The following CTNNA2 variants were observed in gnomAD, a reference collection of about 807,000 sequenced individuals.
The protein encoded by CTNNA2 is catenin alpha-2.
In CTNNA2, 42 loss-of-function variants were observed where a neutral mutation model predicts 101.0. That is an observed-to-expected ratio of 0.42 (90% confidence interval 0.32 to 0.54). The LOEUF (loss-of-function observed/expected upper bound fraction) is 0.54. CTNNA2 is among the 20% of genes least tolerant of loss of function. CTNNA2 has a pLI of 0.14. For synonymous variants in CTNNA2, 450 were observed against 456.4 expected, an observed-to-expected ratio of 0.99 and a Z score of 0.18; for missense variants, 871 against 1,223.1, an observed-to-expected ratio of 0.71 and a Z score of 4.29.
intron 7 of CTNNA2, among the ~76,000 whole-genome samples, chr2:80,082,751 CTTTA>C (rs2148806730): frequency 6.6e-6 from 1 of 152,162 alleles, no homozygotes; most frequent in East Asian, 1.9e-4. Flanking sequence ...AAGTTGTTTT[CTTTA>C]CTTCTTTATA....
chr2:79,290,329 T>C (rs1305465307), intron 2 of CTNNA2, among the ~76,000 whole-genome samples: 1 of 151,558 alleles, frequency 6.6e-6, no homozygotes, highest in East Asian at 1.9e-4. Flanking sequence ...TGCCCTGGAG[T>C]GTGGTCCTTT....
chr2:80,304,066 T>C, intron 7 of CTNNA2: 1 of 421,516 alleles, frequency 2.4e-6, no homozygotes, highest in Non-Finnish European at 4.2e-6. Context: ...GATGGTGATT[T>C]GGTCCATGTT....
At chr2:79,667,092 CAA>C (rs1682471547) in intron 2 of CTNNA2, among the ~76,000 whole-genome samples, 1 of 152,132 alleles carries the variant, frequency 6.6e-6, no homozygotes, top group Non-Finnish European at 1.5e-5. Flanking sequence ...CTGGGTTCTT[CAA>C]AGTCATCGCT....
intron 8 of CTNNA2, among the ~76,000 whole-genome samples, chr2:80,414,190 C>T (rs1478517099): frequency 2.0e-5 from 3 of 152,072 alleles, no homozygotes; most frequent in Non-Finnish European, 2.9e-5. Flanking sequence ...CTACTTGGAG[C>T]ACTGTGTTGA....
At chr2:79,792,945 G>T (rs948614161) in intron 3 of CTNNA2, among the ~76,000 whole-genome samples, 3 of 152,210 alleles carry the variant, frequency 2.0e-5, no homozygotes, top group Middle Eastern at 3.4e-3. Context: ...CAAATTCATT[G>T]GTTCTTGTAC....
intron 7 of CTNNA2, among the ~76,000 whole-genome samples, chr2:79,945,169 A>G (rs1219772377): frequency 2.0e-5 from 3 of 151,972 alleles, no homozygotes; most frequent in Admixed American, 2.0e-4. Context: ...CAGTCTCCCA[A>G]GTAGCTGGGA....
At chr2:80,305,180 G>T in intron 7 of CTNNA2, 1 of 985,290 alleles carries the variant, frequency 1.0e-6, no homozygotes, top group African/African-American at 1.7e-5. Context: ...AAGATTTTTG[G>T]GGTTTTTTCC....
At chr2:80,043,111 CTT>C (rs1361410276) in intron 7 of CTNNA2, among the ~76,000 whole-genome samples, 751 of 62,610 alleles carry the variant, frequency 0.012, 9 homozygotes, top group Non-Finnish European at 0.022. Flanking sequence ...CTCTCTCTCT[CTT>C]TCTTTCTCCT....
chr2:79,355,826 T>G (rs917250697), intron 3 of CTNNA2, among the ~76,000 whole-genome samples: 1 of 152,134 alleles, frequency 6.6e-6, no homozygotes, highest in East Asian at 1.9e-4. Flanking sequence ...CATACCACAT[T>G]TATTAATTTA....
intron 2 of CTNNA2, among the ~76,000 whole-genome samples, chr2:79,679,362 C>A (rs533632698): frequency 6.6e-6 from 1 of 152,216 alleles, no homozygotes; most frequent in Non-Finnish European, 1.5e-5. Context: ...CATTGGTGGG[C>A]GGGTTGGCAT....
chr2:79,239,798 T>C (rs1423613640), intron 2 of CTNNA2, among the ~76,000 whole-genome samples: 1 of 152,116 alleles, frequency 6.6e-6, no homozygotes, highest in African/African-American at 2.4e-5. Context: ...AATCTATCCA[T>C]CTGACAAAGG....
At chr2:79,701,823 G>A (rs556792109) in intron 2 of CTNNA2, among the ~76,000 whole-genome samples, 5 of 152,068 alleles carry the variant, frequency 3.3e-5, no homozygotes, top group Admixed American at 6.5e-5. Context: ...TCAACATGGT[G>A]AAACCCTGTC....
At chr2:79,423,365 AAC>A (rs929829978) in intron 4 of CTNNA2, among the ~76,000 whole-genome samples, 14 of 152,152 alleles carry the variant, frequency 9.2e-5, no homozygotes, top group African/African-American at 3.1e-4. Flanking sequence ...GACCTCTGTA[AAC>A]ACCACATCAA....
chr2:79,309,154 C>G (rs1676310633), intron 2 of CTNNA2, among the ~76,000 whole-genome samples: 3 of 152,070 alleles, frequency 2.0e-5, no homozygotes, highest in Admixed American at 2.0e-4. Flanking sequence ...TAACATATCA[C>G]AACTTTTTTT....
intron 1 of CTNNA2, among the ~76,000 whole-genome samples, chr2:79,567,670 T>C (rs1183718435): frequency 6.6e-6 from 1 of 152,004 alleles, no homozygotes; most frequent in Non-Finnish European, 1.5e-5. Flanking sequence ...GAAGCAGCAA[T>C]GTTAGATGAG....
intron 7 of CTNNA2, among the ~76,000 whole-genome samples, chr2:80,254,792 T>A (rs769800289): frequency 6.6e-6 from 1 of 152,142 alleles, no homozygotes; most frequent in Non-Finnish European, 1.5e-5. Flanking sequence ...GTATTTAAAT[T>A]ACTAAGTTTG....
intron 4 of CTNNA2, among the ~76,000 whole-genome samples, chr2:79,424,508 T>A (rs1678572755): frequency 6.6e-6 from 1 of 152,012 alleles, no homozygotes; most frequent in African/African-American, 2.4e-5. Flanking sequence ...ACACCGTTAG[T>A]GGTTAATAAA....
At chr2:79,986,043 G>A (rs1691737653) in intron 7 of CTNNA2, among the ~76,000 whole-genome samples, 1 of 152,148 alleles carries the variant, frequency 6.6e-6, no homozygotes, top group Non-Finnish European at 1.5e-5. Context: ...ACATGGGATA[G>A]GTGAGTTTGC....
chr2:80,525,062 T>A (rs1689913739), intron 9 of CTNNA2, among the ~76,000 whole-genome samples: 1 of 152,070 alleles, frequency 6.6e-6, no homozygotes, highest in Non-Finnish European at 1.5e-5. Flanking sequence ...TTTTTTTTTG[T>A]ATGACTTCCA....
Sources: allele counts gnomAD v4.1 joint callset (sites outside exome capture counted in the v4.1 genomes callset), GRCh38; gene constraint gnomAD v4.1.1; transcripts MANE v1.5; gene names NCBI Gene and HGNC (gene_info 2026-07-23, HGNC 2026-07-21).